Variants in KLRG1 observed in about 807,000 individuals in gnomAD.
KLRG1 encodes killer cell lectin-like receptor subfamily G member 1.
In KLRG1, 16 loss-of-function variants were observed where a neutral mutation model predicts 21.8. That is an observed-to-expected ratio of 0.73 (90% CI 0.50 to 1.11). The LOEUF (loss-of-function observed/expected upper bound fraction) is 1.11, where lower values mean the gene tolerates loss of function less well. Ranked by LOEUF, KLRG1 falls within the 50% of genes most tolerant of loss-of-function variation. The probability of loss-of-function intolerance (pLI) is 0.00; values close to 1 mark genes in which losing one functional copy is unlikely to be tolerated. For synonymous variants in KLRG1, 69 were observed against 75.9 expected (o/e 0.91, Z 0.47); for missense variants, 173 against 218.3 (o/e 0.79, Z 1.31).
intron 1 of KLRG1, among the ~76,000 whole-genome samples, chr12:8,971,533 T>A (rs950034218): frequency 7.2e-5 from 11 of 152,156 alleles, no homozygotes; most frequent in Non-Finnish European, 1.5e-4. Flanking sequence ...TTGCCCAGGC[T>A]GGAGTGCAGC....
chr12:9,077,366 C>G, the KLRG1 span: 1 of 1,613,518 alleles, frequency 6.2e-7, no homozygotes, highest in Non-Finnish European at 8.5e-7. Flanking sequence ...AGAGGAATCT[C>G]CAGAAGGGCG....
chr12:9,064,058 T>C, the KLRG1 span, among the ~76,000 whole-genome samples: 9 of 152,246 alleles, frequency 5.9e-5, no homozygotes, highest in African/African-American at 2.2e-4. The surrounding 1 kb of genome is among the most constrained non-coding windows in gnomAD (Gnocchi z 4.0). Context: ...GCTTGATACT[T>C]AATTTGACAG....
the KLRG1 span, among the ~76,000 whole-genome samples, chr12:9,195,360 G>A: frequency 6.6e-6 from 1 of 151,946 alleles, no homozygotes; most frequent in African/African-American, 2.4e-5. Context: ...ACATGAGAAT[G>A]TTTTCTTCCC....
At chr12:9,158,740 C>A in the KLRG1 span, among the ~76,000 whole-genome samples, 1 of 125,694 alleles carries the variant, frequency 8.0e-6, no homozygotes, top group Non-Finnish European at 1.7e-5. Flanking sequence ...ATCTCTTTTT[C>A]TTTTTTCTTT....
At chr12:8,969,998 C>G (rs1211431951) in intron 1 of KLRG1, among the ~76,000 whole-genome samples, 3 of 152,136 alleles carry the variant, frequency 2.0e-5, no homozygotes, top group Non-Finnish European at 4.4e-5. Context: ...TGCCTGTGGT[C>G]TCAGCTACTC....
intron 3 of KLRG1, among the ~76,000 whole-genome samples, chr12:8,997,212 C>T (rs1262871059): frequency 2.0e-5 from 3 of 152,160 alleles, no homozygotes; most frequent in Admixed American, 1.3e-4. Flanking sequence ...TCCTAAGGCT[C>T]CTTGGGGCCA....
chr12:9,135,942 G>T, the KLRG1 span, among the ~76,000 whole-genome samples: 1 of 148,542 alleles, frequency 6.7e-6, no homozygotes, highest in South Asian at 2.2e-4. Flanking sequence ...AGAGGAATTT[G>T]AACTATCACA....
the KLRG1 span, among the ~76,000 whole-genome samples, chr12:9,128,988 C>T: frequency 2.6e-5 from 4 of 152,194 alleles, no homozygotes; most frequent in African/African-American, 9.6e-5. Context: ...ACTATCTTGA[C>T]TTGTAATGGG....
the KLRG1 span, among the ~76,000 whole-genome samples, chr12:9,070,013 TAA>T: frequency 4.6e-5 from 7 of 152,246 alleles, no homozygotes; most frequent in African/African-American, 1.7e-4. Flanking sequence ...GACTAATGTG[TAA>T]AGTTATTTAT....
chr12:9,205,540 G>T, the KLRG1 span, among the ~76,000 whole-genome samples: 1 of 152,126 alleles, frequency 6.6e-6, no homozygotes, highest in Admixed American at 6.6e-5. Flanking sequence ...ATCCATAACA[G>T]ATAGATAAAA....
the KLRG1 span, chr12:9,192,563 T>C: frequency 6.2e-7 from 1 of 1,614,148 alleles, no homozygotes; most frequent in Non-Finnish European, 8.5e-7. Flanking sequence ...GTCTATTCAG[T>C]GTATAGTGTG....
chr12:9,161,760 T>G, the KLRG1 span, among the ~76,000 whole-genome samples: 2 of 152,212 alleles, frequency 1.3e-5, no homozygotes, highest in Non-Finnish European at 2.9e-5. Flanking sequence ...GAACTAATAA[T>G]GTGGCGGTTC....
At chr12:9,152,862 G>T in the KLRG1 span, 1 of 1,614,030 alleles carries the variant, frequency 6.2e-7, no homozygotes, top group Non-Finnish European at 8.5e-7. Context: ...TGTGGGCTTT[G>T]TGTCCATCGC....
chr12:9,079,668 T>C, the KLRG1 span: 1 of 1,613,688 alleles, frequency 6.2e-7, no homozygotes, highest in South Asian at 1.1e-5. Flanking sequence ...GGCCTTGGAC[T>C]TGATCTCTGG....
chr12:9,162,959 T>C, the KLRG1 span, among the ~76,000 whole-genome samples: 1 of 152,140 alleles, frequency 6.6e-6, no homozygotes, highest in Non-Finnish European at 1.5e-5. Context: ...AGGCCCCATA[T>C]ATGTTGCTCG....
chr12:8,955,197 G>C (rs950348415), intron 1 of KLRG1, among the ~76,000 whole-genome samples: 4 of 152,082 alleles, frequency 2.6e-5, no homozygotes, highest in African/African-American at 9.7e-5. Flanking sequence ...ACAGGCGTGA[G>C]CCACTGCACC....
the KLRG1 span, among the ~76,000 whole-genome samples, chr12:9,037,490 C>T: frequency 6.6e-6 from 1 of 152,122 alleles, no homozygotes; most frequent in Non-Finnish European, 1.5e-5. Context: ...GTTAAATGCA[C>T]TACCCACCAA....
chr12:9,120,011 G>A, the KLRG1 span, among the ~76,000 whole-genome samples: 1 of 152,250 alleles, frequency 6.6e-6, no homozygotes, highest in East Asian at 1.9e-4. Context: ...CAGCTTTCAT[G>A]CCAATAGTGG....
the KLRG1 span, chr12:9,111,605 T>A: frequency 2.2e-6 from 1 of 450,302 alleles, no homozygotes; most frequent in South Asian, 1.6e-5. Context: ...TAATCTTTTG[T>A]CTTTGGAGCT....
Sources: allele counts gnomAD v4.1 joint callset (sites outside exome capture counted in the v4.1 genomes callset), GRCh38; gene constraint gnomAD v4.1.1; non-coding constraint Gnocchi (gnomAD v3.1); transcripts MANE v1.5; gene names NCBI Gene and HGNC (gene_info 2026-07-23, HGNC 2026-07-21).